Variants in LINGO1 observed in about 807,000 individuals in gnomAD.
LINGO1 encodes the protein leucine-rich repeat and immunoglobulin-like domain-containing nogo receptor-interacting protein 1.
Under a neutral mutation model 37.3 loss-of-function variants are expected in LINGO1, and 11 were observed. The ratio of observed to expected loss-of-function variants is 0.29; its 90% CI spans 0.19 to 0.49. The LOEUF (loss-of-function observed/expected upper bound fraction) is 0.49, where lower values mean the gene tolerates loss of function less well. Among genes scored for constraint, LINGO1 ranks in the 20% least tolerant of loss-of-function variants. LINGO1 has a pLI of 0.99. For missense variants in LINGO1, 585 were observed against 878.2 expected (o/e 0.67, Z 4.22); for synonymous variants, 387 against 403.0 (o/e 0.96, Z 0.48).
intron 1 of LINGO1, among the ~76,000 whole-genome samples, chr15:77,740,715 A>G (rs1297900143): frequency 1.3e-5 from 2 of 152,144 alleles, no homozygotes; most frequent in Non-Finnish European, 2.9e-5. Context: ...ATACACAAAG[A>G]TTTGGATAGT....
At chr15:77,764,191 ACCTGGGATG>A (rs1199562722) in intron 1 of LINGO1, among the ~76,000 whole-genome samples, 1 of 152,220 alleles carries the variant, frequency 6.6e-6, no homozygotes, top group African/African-American at 2.4e-5. Context: ...CCATATGTGC[ACCTGGGATG>A]CCTGTCATCT....
At chr15:77,794,369 CAT>C (rs1203974331) in intron 2 of LINGO1, among the ~76,000 whole-genome samples, 1 of 63,676 alleles carries the variant, frequency 1.6e-5, no homozygotes, top group African/African-American at 5.9e-5. Flanking sequence ...TGTGTATATA[CAT>C]ACGTATATGT....
chr15:77,786,582 C>T (rs1328748433), intron 1 of LINGO1, among the ~76,000 whole-genome samples: 1 of 152,204 alleles, frequency 6.6e-6, no homozygotes, highest in African/African-American at 2.4e-5. Context: ...GAAAGTAGGC[C>T]ATGCAGAGGA....
chr15:77,773,461 A>C (rs2076605722), intron 1 of LINGO1, among the ~76,000 whole-genome samples: 1 of 152,098 alleles, frequency 6.6e-6, no homozygotes. Context: ...AAGTTAGGTG[A>C]CAGCTAGTAG....
chr15:77,634,365 T>C (rs1183763647), upstream of LINGO1: 1 of 455,838 alleles, frequency 2.2e-6, no homozygotes, highest in Non-Finnish European at 4.4e-6. Context: ...CACTTTCTCC[T>C]GTCTCCTATG....
chr15:77,791,583 G>T (rs2076819169), upstream of LINGO1, among the ~76,000 whole-genome samples: 1 of 151,912 alleles, frequency 6.6e-6, no homozygotes, highest in African/African-American at 2.4e-5. Context: ...GAAGGATTCT[G>T]GATGTCAACC....
At chr15:77,752,310 T>C (rs2076379962) in intron 1 of LINGO1, among the ~76,000 whole-genome samples, 1 of 152,234 alleles carries the variant, frequency 6.6e-6, no homozygotes, top group Non-Finnish European at 1.5e-5. Context: ...TAAAGACTTT[T>C]GTCCTAAAAG....
chr15:77,710,740 G>A (rs576586235), intron 2 of LINGO1, among the ~76,000 whole-genome samples: 8 of 152,370 alleles, frequency 5.3e-5, no homozygotes, highest in Non-Finnish European at 8.8e-5. Flanking sequence ...AGGACGGGGC[G>A]GCTGGGGTAG....
chr15:77,696,196 C>T (rs1299668210), intron 1 of LINGO1: 8 of 152,232 alleles, frequency 5.3e-5, no homozygotes, highest in Admixed American at 6.5e-5. Flanking sequence ...GTGGGAACCT[C>T]GCATCGTGAG....
At chr15:77,696,780 C>A (rs1463405325), upstream of LINGO1, among the ~76,000 whole-genome samples, 1 of 152,242 alleles carries the variant, frequency 6.6e-6, no homozygotes, top group Non-Finnish European at 1.5e-5. Flanking sequence ...GCAGAACCGA[C>A]CCCTCTTCAT....
chr15:77,755,640 T>C (rs2141373431), intron 1 of LINGO1, among the ~76,000 whole-genome samples: 1 of 152,340 alleles, frequency 6.6e-6, no homozygotes, highest in South Asian at 2.1e-4. Context: ...TTATACCTTC[T>C]GGTTAACACC....
intron 1 of LINGO1, among the ~76,000 whole-genome samples, chr15:77,736,515 C>T (rs1424861475): frequency 6.6e-6 from 1 of 152,054 alleles, no homozygotes; most frequent in Non-Finnish European, 1.5e-5. Flanking sequence ...GTAATCCCAG[C>T]ACTTTGGGAG....
At chr15:77,634,329 G>A (rs1360478172), upstream of LINGO1, 2 of 455,984 alleles carry the variant, frequency 4.4e-6, no homozygotes, top group Admixed American at 2.3e-5. Flanking sequence ...CTGGCACACC[G>A]TTGCTCTGGA....
chr15:77,645,329 TG>T (rs2074601370), intron 3 of LINGO1, among the ~76,000 whole-genome samples: 1 of 149,032 alleles, frequency 6.7e-6, no homozygotes, highest in Non-Finnish European at 1.5e-5. Context: ...GGGCCCACAG[TG>T]GGGTGGGTGG....
At chr15:77,803,748 C>G (rs2076937917) in intron 1 of LINGO1, among the ~76,000 whole-genome samples, 1 of 152,084 alleles carries the variant, frequency 6.6e-6, no homozygotes, top group Admixed American at 6.5e-5. Context: ...GTGCCTGTTC[C>G]CGCTTCACCT....
chr15:77,722,041 C>A (rs1014322487), intron 2 of LINGO1, among the ~76,000 whole-genome samples: 5 of 152,228 alleles, frequency 3.3e-5, no homozygotes, highest in African/African-American at 9.7e-5. Context: ...ATGCTCCCAC[C>A]CCTCTCTGCA....
intron 1 of LINGO1, among the ~76,000 whole-genome samples, chr15:77,764,835 G>A (rs1050012810): frequency 1.3e-5 from 2 of 152,144 alleles, no homozygotes; most frequent in African/African-American, 2.4e-5. Flanking sequence ...ATGCACAAGG[G>A]GAATGTCCAC....
At chr15:77,625,123 A>ACCC (rs2074049842) in intron 1 of LINGO1, among the ~76,000 whole-genome samples, 1 of 151,706 alleles carries the variant, frequency 6.6e-6, no homozygotes, top group African/African-American at 2.4e-5. Context: ...AAACCAGCCA[A>ACCC]CCCCCGCCTG....
intron 1 of LINGO1, among the ~76,000 whole-genome samples, chr15:77,775,573 G>A (rs2076628765): frequency 6.6e-6 from 1 of 152,096 alleles, no homozygotes; most frequent in African/African-American, 2.4e-5. Context: ...CTGGTAGTGT[G>A]GGCCCACCAC....
Sources: gnomAD v4.1 joint callset for allele counts (sites outside exome capture counted in the v4.1 genomes callset) on GRCh38, gnomAD v4.1.1 for gene constraint, MANE v1.5 for transcripts, NCBI Gene and HGNC (gene_info 2026-07-23, HGNC 2026-07-21) for gene names.